The following COL25A1 variants were observed in gnomAD, a reference collection of about 807,000 sequenced individuals.
COL25A1 encodes the protein collagen type XXV alpha 1 chain.
COL25A1 carries 103 observed loss-of-function variants against 128.4 expected under a neutral mutation model. That is an observed-to-expected ratio of 0.80 (90% confidence interval 0.68 to 0.94). COL25A1 has a LOEUF of 0.94. Among genes scored for constraint, COL25A1 ranks in the 40% least tolerant of loss-of-function variants. COL25A1 has a pLI of 0.00. For synonymous variants in COL25A1, 279 were observed against 277.2 expected (o/e 1.01, Z -0.06); for missense variants, 745 against 840.0 (o/e 0.89, Z 1.40).
chr4:109,227,352 A>G (rs897786965), intron 3 of COL25A1, among the ~76,000 whole-genome samples: 1 of 152,250 alleles, frequency 6.6e-6, no homozygotes, highest in Admixed American at 6.5e-5. Flanking sequence ...TGAAATACAT[A>G]GCATAATGAA....
At chr4:109,125,169 C>CT (rs1420579893) in intron 3 of COL25A1, among the ~76,000 whole-genome samples, 2 of 152,098 alleles carry the variant, frequency 1.3e-5, no homozygotes, top group Admixed American at 6.6e-5. Context: ...AAGTTAAACT[C>CT]TATCTATTAC....
At chr4:109,173,236 C>A (rs766726322) in intron 3 of COL25A1, among the ~76,000 whole-genome samples, 1 of 151,904 alleles carries the variant, frequency 6.6e-6, no homozygotes, top group African/African-American at 2.4e-5. Flanking sequence ...CAGGCACACA[C>A]CACCACATCC....
intron 3 of COL25A1, among the ~76,000 whole-genome samples, chr4:109,117,338 G>A (rs1410637900): frequency 6.6e-6 from 1 of 151,898 alleles, no homozygotes; most frequent in Non-Finnish European, 1.5e-5. Context: ...CCATGTAAAC[G>A]AGAAGAAAGT....
chr4:109,302,203 G>A lies in COL25A1; in HGVS notation c.-91C>T. 1.4e-6 allele frequency: 1 copy of A among 690,618 alleles called. No individual in the cohort carries two copies. The highest frequency in any genetic ancestry group is 2.9e-5 in the East Asian group (1 of 34,440). The allele number at this position is 690,618 out of a possible 1,614,324, so 42.8% of individuals were successfully genotyped here. ...GCTCAGCGTCCAGACCCGCAGGCGT[G>A]CACCATCCCCGCTTTCTTCTCTCCT... On this transcript the variant is annotated 5_prime_UTR_variant, in exon 1 of 38. Coordinates refer to ENST00000399132, the MANE Select transcript of COL25A1 (RefSeq NM_198721.4).
intron 3 of COL25A1, among the ~76,000 whole-genome samples, chr4:109,234,277 T>C (rs1483003026): frequency 1.3e-5 from 2 of 152,148 alleles, no homozygotes; most frequent in African/African-American, 4.8e-5. Flanking sequence ...TGAACTGTTT[T>C]TCTCCTTCAA....
At chr4:109,128,011 G>C (rs528949895) in intron 3 of COL25A1, among the ~76,000 whole-genome samples, 5 of 152,146 alleles carry the variant, frequency 3.3e-5, no homozygotes, top group African/African-American at 1.2e-4. Flanking sequence ...CCTGAGCATG[G>C]AAATAAAGGA....
intron 3 of COL25A1, among the ~76,000 whole-genome samples, chr4:109,101,874 T>C (rs908343671): frequency 6.6e-6 from 1 of 152,178 alleles, no homozygotes; most frequent in Non-Finnish European, 1.5e-5. Context: ...TGTTCTTCCC[T>C]GTCCCCCATG....
chr4:108,858,766 TAGAC>T (rs1736816322), intron 24 of COL25A1, among the ~76,000 whole-genome samples: 1 of 151,574 alleles, frequency 6.6e-6, no homozygotes, highest in South Asian at 2.1e-4. Flanking sequence ...AACTAGGGAA[TAGAC>T]AGACAAATTA....
intron 3 of COL25A1, among the ~76,000 whole-genome samples, chr4:109,240,700 G>T (rs1414409015): frequency 6.6e-6 from 1 of 152,030 alleles, no homozygotes; most frequent in African/African-American, 2.4e-5. Context: ...CCCACTGACA[G>T]AAAGACCTGA....
At chr4:108,813,975 C>T in intron 37 of COL25A1, 46 bp from the exon 38 acceptor site, 12 of 1,483,884 alleles carry the variant, frequency 8.1e-6, no homozygotes, top group East Asian at 2.3e-5. Flanking sequence ...AATTAGTAGT[C>T]TTGAATTAAA....
intron 32 of COL25A1, among the ~76,000 whole-genome samples, chr4:108,829,567 G>T (rs1229428843): frequency 6.6e-6 from 1 of 151,966 alleles, no homozygotes; most frequent in Non-Finnish European, 1.5e-5. Context: ...CACAGATTAG[G>T]GTGGGTCTAA....
chr4:108,942,064 A>C lies in COL25A1; in HGVS notation c.493-627T>G, dbSNP rs959348806. 1.2e-5 allele frequency: 8 copies of C among 690,198 alleles called. No individual in the cohort carries two copies. In the South Asian group the frequency reaches 1.4e-4, roughly 12 times the overall value. The allele number at this position is 690,198 out of a possible 1,614,324, so 42.8% of individuals were successfully genotyped here. A position where few individuals can be genotyped will look rare whatever the true frequency, so the allele number is the denominator to read the frequency against. On this transcript the variant is annotated intron_variant, in intron 8 of 37. Coordinates refer to ENST00000399132, the MANE Select transcript of COL25A1 (RefSeq NM_198721.4). The stretch of plus-strand genomic sequence containing the variant: ...TCTTAATAGATATTTGACCTCAATG[A>C]TGCAAGTGGGGTCCCAAGTGCCCAG...
intron 3 of COL25A1, among the ~76,000 whole-genome samples, chr4:109,094,232 C>T (rs1369974342): frequency 6.6e-6 from 1 of 152,196 alleles, no homozygotes; most frequent in Non-Finnish European, 1.5e-5. Flanking sequence ...ATCCAAACCA[C>T]AGGCACATGA....
chr4:108,935,604 T>TAAA (rs1440333597), intron 11 of COL25A1, among the ~76,000 whole-genome samples: 6 of 152,012 alleles, frequency 3.9e-5, no homozygotes, highest in African/African-American at 1.2e-4. Context: ...CCTAAGAGTT[T>TAAA]AAAGAGTCAA....
intron 20 of COL25A1, among the ~76,000 whole-genome samples, chr4:108,868,231 T>C (rs927292428): frequency 2.0e-5 from 3 of 152,094 alleles, no homozygotes; most frequent in Non-Finnish European, 4.4e-5. Flanking sequence ...TAGGAGCAAT[T>C]TGGGGTACAA....
intron 13 of COL25A1, among the ~76,000 whole-genome samples, chr4:108,915,911 G>A (rs868397313): frequency 4.6e-5 from 7 of 152,238 alleles, no homozygotes; most frequent in Non-Finnish European, 7.4e-5. Flanking sequence ...AAATTCTAGA[G>A]TTCAAGATTC....
At chr4:108,832,973 T>TAAATAAATAAATA (rs1553944788) in intron 31 of COL25A1, among the ~76,000 whole-genome samples, 1 of 106,110 alleles carries the variant, frequency 9.4e-6, no homozygotes, top group Admixed American at 1.1e-4. Flanking sequence ...TCTCAAAAAA[T>TAAATAAATAAATA]AATAAATAAA....
chr4:109,169,565 T>G (rs757794524), intron 3 of COL25A1, among the ~76,000 whole-genome samples: 3 of 152,214 alleles, frequency 2.0e-5, no homozygotes, highest in Non-Finnish European at 4.4e-5. Context: ...ATGATTTTTC[T>G]TAAGACATAT....
At chr4:109,175,408 G>C (rs557565533) in intron 3 of COL25A1, among the ~76,000 whole-genome samples, 2 of 152,154 alleles carry the variant, frequency 1.3e-5, no homozygotes, top group Non-Finnish European at 2.9e-5. Flanking sequence ...ACTTTAACTA[G>C]TGTACATTAG....
Sources: gnomAD v4.1 joint callset for allele counts (sites outside exome capture counted in the v4.1 genomes callset) on GRCh38, gnomAD v4.1.1 for gene constraint, MANE v1.5 for transcripts, NCBI Gene and HGNC (gene_info 2026-07-23, HGNC 2026-07-21) for gene names.